Variants in CDH13 observed in about 807,000 individuals in gnomAD.
CDH13 encodes cadherin 13, also known as cadherin-13.
Under a neutral mutation model 63.8 loss-of-function variants are expected in CDH13, and 24 were observed. The ratio of observed to expected loss-of-function variants is 0.38; its 90% CI spans 0.27 to 0.53. CDH13 has a LOEUF of 0.53. CDH13 is among the 20% of genes least tolerant of loss of function. The pLI, the probability that CDH13 is intolerant of heterozygous loss-of-function variation, is 0.85. For synonymous variants in CDH13, 503 were observed against 355.3 expected (o/e 1.42, Z -4.67); for missense variants, 1,049 against 903.1 (o/e 1.16, Z -2.07).
intron 4 of CDH13, among the ~76,000 whole-genome samples, chr16:83,155,804 G>A (rs2037183440): frequency 6.6e-6 from 1 of 152,200 alleles, no homozygotes; most frequent in Non-Finnish European, 1.5e-5. Flanking sequence ...AGTCAAGGCA[G>A]TAGCTCAGGT....
At chr16:83,160,864 C>T (rs1430937099) in intron 4 of CDH13, among the ~76,000 whole-genome samples, 2 of 152,308 alleles carry the variant, frequency 1.3e-5, no homozygotes, top group East Asian at 3.9e-4. Context: ...ACAGTTTCCA[C>T]ACAAGTGTTT....
intron 6 of CDH13, among the ~76,000 whole-genome samples, chr16:83,475,994 A>G (rs939997579): frequency 6.6e-6 from 1 of 152,202 alleles, no homozygotes; most frequent in Non-Finnish European, 1.5e-5. Flanking sequence ...GTTCATTAAT[A>G]TTTAGTGTCA....
At chr16:83,212,668 C>T (rs558067185) in intron 4 of CDH13, among the ~76,000 whole-genome samples, 1 of 152,300 alleles carries the variant, frequency 6.6e-6, no homozygotes, top group East Asian at 1.9e-4. Flanking sequence ...AAACCAGCAT[C>T]AGTGATACTC....
At chr16:83,170,078 A>G (rs2037855788) in intron 4 of CDH13, among the ~76,000 whole-genome samples, 1 of 151,988 alleles carries the variant, frequency 6.6e-6, no homozygotes, top group Non-Finnish European at 1.5e-5. Flanking sequence ...CTTTCATGTG[A>G]TGTTAAGCTC....
At chr16:83,760,813 T>C (rs1468385808) in intron 11 of CDH13, among the ~76,000 whole-genome samples, 2 of 152,236 alleles carry the variant, frequency 1.3e-5, no homozygotes, top group Admixed American at 1.3e-4. Context: ...AGAGAGCACG[T>C]AGCTAGTCCT....
intron 11 of CDH13, among the ~76,000 whole-genome samples, chr16:83,770,290 A>C (rs1460358656): frequency 2.6e-5 from 4 of 152,178 alleles, no homozygotes; most frequent in Non-Finnish European, 5.9e-5. Flanking sequence ...CAAAATACTC[A>C]AACTTCGAGC....
At chr16:83,144,629 CAAAGGCAA>C (rs1050306434) in intron 4 of CDH13, among the ~76,000 whole-genome samples, 2 of 152,130 alleles carry the variant, frequency 1.3e-5, no homozygotes, top group Non-Finnish European at 2.9e-5. Flanking sequence ...CAGATCCTGC[CAAAGGCAA>C]AAAGGCAAAA....
chr16:83,470,906 G>C (rs1401208314), intron 6 of CDH13, among the ~76,000 whole-genome samples: 1 of 152,118 alleles, frequency 6.6e-6, no homozygotes, highest in Non-Finnish European at 1.5e-5. Context: ...CAAGGTGTAG[G>C]CAAGGCTGGT....
At chr16:83,509,433 C>T (rs1156606859) in intron 7 of CDH13, among the ~76,000 whole-genome samples, 3 of 152,198 alleles carry the variant, frequency 2.0e-5, no homozygotes, top group East Asian at 3.9e-4. Context: ...GCTGCTGCAA[C>T]TGTGCAGCTT....
At chr16:83,597,887 A>G (rs1328843953) in intron 7 of CDH13, among the ~76,000 whole-genome samples, 2 of 152,222 alleles carry the variant, frequency 1.3e-5, no homozygotes, top group Admixed American at 6.5e-5. Flanking sequence ...GAATTTGTAC[A>G]TACCTCTGCT....
At chr16:82,758,899 G>A (rs1053631222) in intron 1 of CDH13, among the ~76,000 whole-genome samples, 3 of 152,066 alleles carry the variant, frequency 2.0e-5, no homozygotes, top group Admixed American at 1.3e-4. Flanking sequence ...CTGAAGCCTC[G>A]GCCAGTCTTT....
At chr16:83,614,293 T>A (rs1367613746) in intron 8 of CDH13, among the ~76,000 whole-genome samples, 2 of 152,184 alleles carry the variant, frequency 1.3e-5, no homozygotes, top group African/African-American at 4.8e-5. Flanking sequence ...TACTTCCCAG[T>A]GTTCCCTTCT....
At chr16:83,325,614 G>C (rs1202534615) in intron 5 of CDH13, among the ~76,000 whole-genome samples, 1 of 152,168 alleles carries the variant, frequency 6.6e-6, no homozygotes, top group African/African-American at 2.4e-5. Context: ...TCAAGCAGCA[G>C]CCTCGATGTG....
rs550497785 is a variant in CDH13 at position 83,540,116 on chromosome 16, G to T, written c.960+53461G>T. Among the ~76,000 whole-genome samples, 131 of 148,600 alleles carry T rather than the reference G, an allele frequency of 8.8e-4. No homozygotes were observed. In the Middle Eastern group the frequency reaches 0.01, roughly 12 times the overall value. ...AGTCTCACTCTGTCACCAGGCTGGA[G>T]TTCAGTGGATCCATCTAGGCTAACT... On this transcript the variant is annotated intron_variant, in intron 7 of 13. Transcript: ENST00000567109.
chr16:83,454,484 A>G (rs544162018), intron 6 of CDH13, among the ~76,000 whole-genome samples: 4 of 152,134 alleles, frequency 2.6e-5, no homozygotes, highest in African/African-American at 9.6e-5. Context: ...TTCCTATTGC[A>G]TTATATATTT....
intron 8 of CDH13, among the ~76,000 whole-genome samples, chr16:83,646,712 A>AAAAAAAAAACACAC (rs1168012793): frequency 3.7e-5 from 3 of 80,488 alleles, no homozygotes; most frequent in Non-Finnish European, 4.9e-5. Flanking sequence ...AAAAAAAAAA[A>AAAAAAAAAACACAC]ACACACACAC....
At chr16:83,002,044 C>A (rs955006695) in intron 2 of CDH13, among the ~76,000 whole-genome samples, 3 of 152,200 alleles carry the variant, frequency 2.0e-5, no homozygotes, top group Admixed American at 2.0e-4. Flanking sequence ...AGCACTTCAA[C>A]GTGCCATACT....
chr16:83,238,539 C>A (rs530157843), intron 5 of CDH13, among the ~76,000 whole-genome samples: 2 of 152,250 alleles, frequency 1.3e-5, no homozygotes, highest in African/African-American at 4.8e-5. Flanking sequence ...GATGGGATTT[C>A]TTGTAGGACT....
chr16:82,744,511 C>T (rs1317657371), intron 1 of CDH13, among the ~76,000 whole-genome samples: 1 of 152,088 alleles, frequency 6.6e-6, no homozygotes, highest in Non-Finnish European at 1.5e-5. Flanking sequence ...CGTCTTACTT[C>T]TCTCTTTTCC....
Sources: gnomAD v4.1 joint callset for allele counts (sites outside exome capture counted in the v4.1 genomes callset) on GRCh38, gnomAD v4.1.1 for gene constraint, MANE v1.5 for transcripts, NCBI Gene and HGNC (gene_info 2026-07-23, HGNC 2026-07-21) for gene names.